The following PACRG variants were observed in gnomAD, a reference collection of about 807,000 sequenced individuals.
PACRG encodes the protein parkin coregulated gene protein.
In PACRG, 29 loss-of-function variants were observed where a neutral mutation model predicts 29.7. The ratio of observed to expected loss-of-function variants is 0.98; its 90% CI spans 0.73 to 1.33. The LOEUF (loss-of-function observed/expected upper bound fraction) is 1.33, where lower values mean the gene tolerates loss of function less well. PACRG is among the 40% of genes most tolerant of loss of function. PACRG has a pLI of 0.00. For missense variants in PACRG, 279 were observed against 316.2 expected (o/e 0.88, Z 0.89); for synonymous variants, 116 against 118.7 (o/e 0.98, Z 0.15).
intron 2 of PACRG, among the ~76,000 whole-genome samples, chr6:163,014,343 A>G (rs1375923133): frequency 6.6e-6 from 1 of 152,156 alleles, no homozygotes; most frequent in Non-Finnish European, 1.5e-5. Context: ...TGTTGGTAAA[A>G]TGATTTGTTT....
chr6:163,056,232 C>G (rs556126035), intron 2 of PACRG, among the ~76,000 whole-genome samples: 4 of 152,300 alleles, frequency 2.6e-5, no homozygotes, highest in African/African-American at 7.2e-5. Context: ...CATTTGCACT[C>G]CTAGGTATAT....
chr6:163,080,119 C>T (rs538041366), intron 3 of PACRG, among the ~76,000 whole-genome samples: 10 of 151,870 alleles, frequency 6.6e-5, no homozygotes, highest in African/African-American at 1.2e-4. Context: ...AGGATGGTCT[C>T]GATCTGGTGA....
chr6:162,822,375 T>C (rs570578142), intron 2 of PACRG, among the ~76,000 whole-genome samples: 1 of 152,326 alleles, frequency 6.6e-6, no homozygotes, highest in East Asian at 1.9e-4. Context: ...GAGCATGTCA[T>C]TACCATGTTT....
chr6:162,814,088 T>C, intron 1 of PACRG, 59 bp from the exon 2 acceptor site: 1 of 1,495,636 alleles, frequency 6.7e-7, no homozygotes, highest in Admixed American at 2.2e-5. Flanking sequence ...AGTTCTTTTA[T>C]TATGAATTTT....
At chr6:162,983,001 T>A (rs1262985023) in intron 2 of PACRG, among the ~76,000 whole-genome samples, 2 of 152,028 alleles carry the variant, frequency 1.3e-5, no homozygotes, top group East Asian at 3.8e-4. Context: ...TAGGTGTATA[T>A]ATATTTTGGA....
intron 2 of PACRG, among the ~76,000 whole-genome samples, chr6:162,865,835 AAAAC>A (rs1347312317): frequency 2.0e-5 from 3 of 152,180 alleles, no homozygotes; most frequent in African/African-American, 7.2e-5. Flanking sequence ...AAATCATTGG[AAAAC>A]AAACAAAATA....
chr6:163,123,276 G>C (rs1212652761), intron 4 of PACRG, among the ~76,000 whole-genome samples: 2 of 152,118 alleles, frequency 1.3e-5, no homozygotes, highest in East Asian at 3.9e-4. Flanking sequence ...TCCTGCACAC[G>C]TGGTGTTATT....
At chr6:162,932,053 TA>T (rs1414855192) in intron 2 of PACRG, among the ~76,000 whole-genome samples, 1 of 152,014 alleles carries the variant, frequency 6.6e-6, no homozygotes, top group African/African-American at 2.4e-5. Context: ...GATGTACGCA[TA>T]CTACAGACTA....
chr6:163,078,226 C>T (rs768827168), intron 3 of PACRG, among the ~76,000 whole-genome samples: 3 of 152,238 alleles, frequency 2.0e-5, no homozygotes, highest in Admixed American at 6.5e-5. Flanking sequence ...TAGGACCGGG[C>T]GCAGTGGCTC....
chr6:163,029,861 AC>A (rs1291440956), intron 2 of PACRG, among the ~76,000 whole-genome samples: 2 of 152,170 alleles, frequency 1.3e-5, no homozygotes, highest in East Asian at 3.8e-4. Context: ...TTGCTGCTGA[AC>A]AAGCTGATTA....
intron 2 of PACRG, among the ~76,000 whole-genome samples, chr6:162,905,535 G>A (rs1057425807): frequency 4.6e-5 from 7 of 152,122 alleles, no homozygotes; most frequent in Non-Finnish European, 7.3e-5. Flanking sequence ...GATTGAAGCC[G>A]AGAGAGACAG....
chr6:162,737,770 A>T (rs888155280), intron 1 of PACRG, among the ~76,000 whole-genome samples: 2 of 152,170 alleles, frequency 1.3e-5, no homozygotes, highest in Non-Finnish European at 2.9e-5. Context: ...GTTGGAAATG[A>T]TCATATAACT....
chr6:162,777,808 T>A lies in PACRG; in HGVS notation c.157-36339T>A, dbSNP rs1783764809. Among the ~76,000 whole-genome samples the A allele has an allele frequency of 6.6e-6, 1 of 152,154 alleles. No homozygotes were observed. Among genetic ancestry groups the A allele is most frequent in the Non-Finnish European group, 1.5e-5 (1 of 68,022 alleles). On this transcript the variant is annotated intron_variant, in intron 1 of 4. Coordinates refer to ENST00000366888, the MANE Select transcript of PACRG (RefSeq NM_001080379.2). The surrounding 1 kb of genome is among the most constrained non-coding windows in gnomAD (Gnocchi z 4.0). ...CAAATGCAGCTGATTTGAACAACATTTACTGCACTTGCTTTGAACTAATAA... is the reference window on the plus strand; with the variant it reads ...CAAATGCAGCTGATTTGAACAACATATACTGCACTTGCTTTGAACTAATAA...
At chr6:162,818,174 A>G (rs561978075) in intron 2 of PACRG, among the ~76,000 whole-genome samples, 1 of 152,336 alleles carries the variant, frequency 6.6e-6, no homozygotes, top group Non-Finnish European at 1.5e-5. Flanking sequence ...ACATTTGGGA[A>G]ATACGACTGT....
rs182426242 is a variant in PACRG at position 162,998,782 on chromosome 6, C to T, written c.292-63368C>T. The stretch of plus-strand genomic sequence containing the variant: ...TGTTTTTATTATTTGTATTTCCATC[C>T]TATATGTTATATGATACCAAATGTC... On this transcript the variant is annotated intron_variant, in intron 2 of 4. Transcript: ENST00000366888. 1.6e-4 allele frequency among the ~76,000 whole-genome samples: 25 copies of T among 152,292 alleles called. 2 individuals are homozygous for T. The East Asian group carries it at 4.8e-3, about 29-fold the overall frequency.
intron 1 of PACRG, among the ~76,000 whole-genome samples, chr6:162,778,386 A>G (rs2128310757): frequency 6.6e-6 from 1 of 152,258 alleles, no homozygotes; most frequent in South Asian, 2.1e-4. Context: ...CCTTGTTTTT[A>G]TATGGTTTGT....
At chr6:162,953,490 G>T (rs1424160410) in intron 2 of PACRG, among the ~76,000 whole-genome samples, 1 of 151,960 alleles carries the variant, frequency 6.6e-6, no homozygotes. Context: ...CATGAACAAA[G>T]CAATACATTT....
intron 1 of PACRG, among the ~76,000 whole-genome samples, chr6:162,780,686 T>G (rs1784028911): frequency 6.6e-6 from 1 of 152,116 alleles, no homozygotes; most frequent in South Asian, 2.1e-4. Context: ...CATCTTACAT[T>G]TTAATAGAGA....
At chr6:163,289,585 T>A (rs1784513147) in intron 4 of PACRG, among the ~76,000 whole-genome samples, 2 of 152,224 alleles carry the variant, frequency 1.3e-5, no homozygotes, top group Non-Finnish European at 2.9e-5. Context: ...GTCATTCTAT[T>A]AATAGCTGCA....
Sources: allele counts gnomAD v4.1 joint callset (sites outside exome capture counted in the v4.1 genomes callset), GRCh38; gene constraint gnomAD v4.1.1; non-coding constraint Gnocchi (gnomAD v3.1); transcripts MANE v1.5; gene names NCBI Gene and HGNC (gene_info 2026-07-23, HGNC 2026-07-21).